The following TLK1 variants were observed in gnomAD, a reference collection of about 807,000 sequenced individuals.
TLK1 encodes serine/threonine-protein kinase tousled-like 1.
A neutral mutation model predicts 105.3 loss-of-function variants in TLK1; 24 were observed. The ratio of observed to expected loss-of-function variants is 0.23; its 90% CI spans 0.17 to 0.32. TLK1 has a LOEUF of 0.32. Ranked by LOEUF, TLK1 falls within the 10% of genes least tolerant of loss-of-function variation. TLK1 has a pLI of 1.00. For synonymous variants in TLK1, 321 were observed against 310.4 expected (o/e 1.03, Z -0.36); for missense variants, 558 against 910.5 (o/e 0.61, Z 4.98).
chr2:171,180,203 C>A (rs7423767), intron 1 of TLK1, among the ~76,000 whole-genome samples: 1 of 150,764 alleles, frequency 6.6e-6, no homozygotes, highest in Non-Finnish European at 1.5e-5. Context: ...AGAGCGAGAG[C>A]GAGAGCGAGA....
intron 2 of TLK1, among the ~76,000 whole-genome samples, chr2:171,086,172 A>T (rs771315538): frequency 6.6e-6 from 1 of 152,250 alleles, no homozygotes; most frequent in Non-Finnish European, 1.5e-5. Flanking sequence ...CAATAAAAAT[A>T]TAAGTAGGTA....
chr2:171,230,191 A>G (rs1693970286), intron 1 of TLK1, among the ~76,000 whole-genome samples: 1 of 152,224 alleles, frequency 6.6e-6, no homozygotes, highest in Non-Finnish European at 1.5e-5. Context: ...AAGAAATAAT[A>G]AAAGACTTTG....
chr2:171,202,968 T>C (rs1212114666), intron 1 of TLK1, among the ~76,000 whole-genome samples: 1 of 152,144 alleles, frequency 6.6e-6, no homozygotes, highest in Non-Finnish European at 1.5e-5. Flanking sequence ...CATATGTTTT[T>C]GGAAATTTGA....
chr2:171,096,305 G>C (rs1689449239), intron 2 of TLK1, among the ~76,000 whole-genome samples: 1 of 152,086 alleles, frequency 6.6e-6, no homozygotes, highest in African/African-American at 2.4e-5. Context: ...TTCAAGACCA[G>C]CCTGATCAAC....
intron 1 of TLK1, among the ~76,000 whole-genome samples, chr2:171,195,092 A>G (rs112159504): frequency 0.016 from 2,400 of 152,272 alleles, 48 homozygotes; most frequent in African/African-American, 0.052. Context: ...GTCAGTAAAG[A>G]TTCAACTAGT....
intron 19 of TLK1, among the ~76,000 whole-genome samples, chr2:170,997,370 G>A (rs1189439917): frequency 6.6e-6 from 1 of 152,194 alleles, no homozygotes; most frequent in African/African-American, 2.4e-5. Context: ...GCCAAACTGT[G>A]TGTGTGGGTG....
chr2:171,214,444 A>G (rs1302407540), intron 1 of TLK1, among the ~76,000 whole-genome samples: 1 of 152,204 alleles, frequency 6.6e-6, no homozygotes, highest in Non-Finnish European at 1.5e-5. Flanking sequence ...CACTAGTTGT[A>G]TACAACTTCA....
intron 12 of TLK1, among the ~76,000 whole-genome samples, chr2:171,018,404 T>C (rs542669490): frequency 9.9e-4 from 151 of 152,372 alleles, no homozygotes; most frequent in Middle Eastern, 6.8e-3. Flanking sequence ...GTCTAGCACC[T>C]TGTCCTCAGA....
chr2:171,072,837 G>A (rs1005141680), intron 3 of TLK1, among the ~76,000 whole-genome samples: 35 of 150,908 alleles, frequency 2.3e-4, no homozygotes, highest in Non-Finnish European at 5.2e-4. Context: ...GCTGAGGCAG[G>A]AGAATTGCTT....
upstream of TLK1, among the ~76,000 whole-genome samples, chr2:171,162,191 TCA>T (rs1275534302): frequency 6.6e-6 from 1 of 152,218 alleles, no homozygotes; most frequent in African/African-American, 2.4e-5. Flanking sequence ...GAGGGACATC[TCA>T]CAAACAACTT....
chr2:171,022,730 C>A, intron 12 of TLK1: 1 of 177,580 alleles, frequency 5.6e-6, no homozygotes, highest in Non-Finnish European at 1.2e-5. Context: ...TCATTCAAAC[C>A]TAAAGTGACA....
Position 171,014,740 on chromosome 2 carries a change from C to T in TLK1, c.1334+111G>A, listed in dbSNP as rs528882071. On this transcript the variant is annotated intron_variant, in intron 13 of 20. Transcript: ENST00000431350. ...CCAAGCCATGGGAAGGACTTTGGAT[C>T]TTTTCTAAGTACGATGAGACAACCC... The T allele has an allele frequency of 3.3e-5, 27 of 816,400 alleles. No individual in the cohort carries two copies. In the East Asian group the frequency reaches 6.2e-4, roughly 19 times the overall value. 50.6% of individuals were successfully genotyped at this position (816,400 alleles called of 1,614,324 possible). A position where few individuals can be genotyped will look rare whatever the true frequency, so the allele number is the denominator to read the frequency against.
At chr2:171,220,530 G>A (rs1170885466) in intron 1 of TLK1, among the ~76,000 whole-genome samples, 1 of 152,178 alleles carries the variant, frequency 6.6e-6, no homozygotes, top group Non-Finnish European at 1.5e-5. Context: ...CAGCCTCATA[G>A]AGAGACCCAC....
chr2:171,190,652 T>G (rs1693128416), intron 1 of TLK1, among the ~76,000 whole-genome samples: 1 of 152,220 alleles, frequency 6.6e-6, no homozygotes, highest in Non-Finnish European at 1.5e-5. Context: ...TATCTTTCTA[T>G]TCTATGTAAA....
At chr2:171,187,080 A>AT (rs1206763120) in intron 1 of TLK1, among the ~76,000 whole-genome samples, 1 of 127,996 alleles carries the variant, frequency 7.8e-6, no homozygotes, top group Non-Finnish European at 1.5e-5. Context: ...AAAAAAAAAA[A>AT]AAAGAAAAAG....
At chr2:171,148,939 G>C (rs1210812335) in intron 1 of TLK1, among the ~76,000 whole-genome samples, 1 of 146,988 alleles carries the variant, frequency 6.8e-6, no homozygotes, top group Non-Finnish European at 1.5e-5. Context: ...GTGTGCGTGT[G>C]TGTGTATGTG....
intron 12 of TLK1, among the ~76,000 whole-genome samples, chr2:171,018,077 T>C (rs1425354991): frequency 6.6e-6 from 1 of 152,224 alleles, no homozygotes; most frequent in Non-Finnish European, 1.5e-5. Flanking sequence ...TTCCCTAATA[T>C]GGCTGCATTT....
intron 1 of TLK1, among the ~76,000 whole-genome samples, chr2:171,144,212 A>G (rs964334911): frequency 2.0e-5 from 3 of 152,222 alleles, no homozygotes; most frequent in Non-Finnish European, 4.4e-5. Context: ...GGAGAAATAG[A>G]CAAGCCAAGA....
intron 2 of TLK1, among the ~76,000 whole-genome samples, chr2:171,099,479 T>G (rs1478895845): frequency 6.6e-6 from 1 of 152,174 alleles, no homozygotes; most frequent in Non-Finnish European, 1.5e-5. Flanking sequence ...AAATCCCAGG[T>G]GGCCTTTTGT....
Sources: gnomAD v4.1 joint callset for allele counts (sites outside exome capture counted in the v4.1 genomes callset) on GRCh38, gnomAD v4.1.1 for gene constraint, MANE v1.5 for transcripts, NCBI Gene and HGNC (gene_info 2026-07-23, HGNC 2026-07-21) for gene names.